THSD7B: variants seen among roughly 807,000 people sequenced by gnomAD.
The protein encoded by THSD7B is thrombospondin type 1 domain containing 7B, also known as thrombospondin type-1 domain-containing protein 7B.
Under a neutral mutation model 213.6 loss-of-function variants are expected in THSD7B, and 138 were observed. That is an observed-to-expected ratio of 0.65 (90% CI 0.56 to 0.74). The LOEUF is 0.74. THSD7B is among the 30% of genes least tolerant of loss of function. The pLI is 0.00. For synonymous variants in THSD7B, 742 were observed against 687.0 expected, an observed-to-expected ratio of 1.08 and a Z score of -1.25; for missense variants, 1,931 against 1,991.5, an observed-to-expected ratio of 0.97 and a Z score of 0.58.
intron 12 of THSD7B, among the ~76,000 whole-genome samples, chr2:137,366,117 C>T (rs969060122): frequency 2.0e-5 from 3 of 152,154 alleles, no homozygotes; most frequent in Non-Finnish European, 4.4e-5. Context: ...TGGAAACCAT[C>T]ATTCTGAGCA....
At chr2:137,551,521 A>G (rs1223398447) in intron 15 of THSD7B, among the ~76,000 whole-genome samples, 1 of 152,172 alleles carries the variant, frequency 6.6e-6, no homozygotes, top group African/African-American at 2.4e-5. Flanking sequence ...GCTGTCCTTA[A>G]GAGCCACACA....
intron 7 of THSD7B, among the ~76,000 whole-genome samples, chr2:137,214,422 A>G (rs11889189): frequency 0.058 from 8,757 of 152,152 alleles, 661 homozygotes; most frequent in African/African-American, 0.17. Flanking sequence ...TAGAAAGTAG[A>G]GAGAAAGGCA....
intron 7 of THSD7B, among the ~76,000 whole-genome samples, chr2:137,185,758 T>C (rs1166856163): frequency 1.3e-5 from 2 of 152,180 alleles, no homozygotes; most frequent in African/African-American, 4.8e-5. Context: ...ATATACTCAG[T>C]AGTGAGATTG....
chr2:137,057,438 G>A (rs1052648152), intron 3 of THSD7B, among the ~76,000 whole-genome samples: 1 of 152,108 alleles, frequency 6.6e-6, no homozygotes, highest in African/African-American at 2.4e-5. Context: ...TAGCATTCTT[G>A]TGTGATTAGT....
intron 7 of THSD7B, among the ~76,000 whole-genome samples, chr2:137,186,833 T>A (rs1573874450): frequency 6.6e-6 from 1 of 152,200 alleles, no homozygotes; most frequent in East Asian, 1.9e-4. Flanking sequence ...ATTCTTCCAA[T>A]CCATGAACAT....
intron 5 of THSD7B, among the ~76,000 whole-genome samples, chr2:137,124,892 A>G (rs1046840061): frequency 3.3e-5 from 5 of 152,176 alleles, no homozygotes; most frequent in African/African-American, 1.2e-4. Context: ...TCTGTTAGCA[A>G]CTTTCAAATA....
At chr2:137,356,581 G>A (rs1161537289) in intron 12 of THSD7B, among the ~76,000 whole-genome samples, 2 of 152,164 alleles carry the variant, frequency 1.3e-5, no homozygotes, top group East Asian at 1.9e-4. Context: ...TTGGCTAATA[G>A]GACGTTGGTA....
intron 5 of THSD7B, among the ~76,000 whole-genome samples, chr2:137,142,270 G>A (rs995978826): frequency 1.3e-5 from 2 of 152,066 alleles, no homozygotes; most frequent in African/African-American, 4.8e-5. Context: ...ATGGCAGAAG[G>A]ACAGAGAGAG....
intron 1 of THSD7B, among the ~76,000 whole-genome samples, chr2:136,799,762 C>T (rs563490444): frequency 6.6e-6 from 1 of 151,980 alleles, no homozygotes; most frequent in East Asian, 1.9e-4. Flanking sequence ...ATCACTTTTT[C>T]AATGGGATCA....
chr2:137,135,484 C>T (rs1295714022), intron 5 of THSD7B, among the ~76,000 whole-genome samples: 1 of 152,142 alleles, frequency 6.6e-6, no homozygotes, highest in African/African-American at 2.4e-5. Context: ...ATTGAGATTC[C>T]TGCAAATTGA....
At chr2:137,335,479 T>C (rs1374686111) in intron 12 of THSD7B, among the ~76,000 whole-genome samples, 1 of 152,208 alleles carries the variant, frequency 6.6e-6, no homozygotes, top group Non-Finnish European at 1.5e-5. Flanking sequence ...TCTTTTATTT[T>C]CCCCTCTTGG....
chr2:137,631,012 A>C (rs6742342), intron 20 of THSD7B, among the ~76,000 whole-genome samples: 50,743 of 151,922 alleles, frequency 0.33, 9,750 homozygotes, highest in African/African-American at 0.52. Context: ...CTTCAAACCC[A>C]CAGAACTACA....
At position 137,310,668 on chromosome 2, in the gene THSD7B, A is replaced by G. The variant is rs2104860313; in HGVS notation, c.2500+34642A>G. 2.0e-5 allele frequency among the ~76,000 whole-genome samples: 3 copies of G among 152,134 alleles called. No homozygotes were observed. In the South Asian group the frequency reaches 6.3e-4, roughly 32 times the overall value. On this transcript the variant is annotated intron_variant, in intron 12 of 27. Transcript: ENST00000409968. ...AGGTTTAAGGCTTTAATCCATCTTG[A>G]ATTGATTTTTGTATAAGGCATAAGG...
chr2:137,676,485 T>C (rs1683702273), intron 27 of THSD7B, 39 bp from the exon 28 acceptor site: 1 of 1,530,720 alleles, frequency 6.5e-7, no homozygotes, highest in Non-Finnish European at 8.8e-7. Flanking sequence ...CAGAGCTCTA[T>C]GAACTTACTT....
chr2:137,642,666 C>A, intron 21 of THSD7B, 33 bp downstream of exon 21: 1 of 1,609,498 alleles, frequency 6.2e-7, no homozygotes, highest in South Asian at 1.1e-5. Flanking sequence ...GAGAAATATT[C>A]ATCAGTATAT....
chr2:136,889,909 T>C lies in THSD7B; in HGVS notation c.139+7592T>C, dbSNP rs889183522. On this transcript the variant is annotated intron_variant, in intron 2 of 27. Transcript: ENST00000409968. ...TTTTCCAGAACTGCTAAACGCATCC[T>C]CTAGTACTGCTAAAATAGGGTGTAC... Among the ~76,000 whole-genome samples, 5 of 152,194 alleles carry C rather than the reference T, an allele frequency of 3.3e-5. No individual in the cohort carries two copies. In the East Asian group the frequency reaches 9.7e-4, roughly 29 times the overall value.
chr2:137,015,680 T>A (rs558216702), intron 2 of THSD7B, among the ~76,000 whole-genome samples: 13 of 152,302 alleles, frequency 8.5e-5, no homozygotes, highest in Admixed American at 3.3e-4. Flanking sequence ...TCCTCACTAT[T>A]TTGGAACCAA....
intron 20 of THSD7B, among the ~76,000 whole-genome samples, chr2:137,629,106 TC>T (rs1682691830): frequency 6.6e-6 from 1 of 152,178 alleles, no homozygotes; most frequent in Admixed American, 6.5e-5. Flanking sequence ...TTTATTATTG[TC>T]ATTGCCTAGA....
intron 2 of THSD7B, among the ~76,000 whole-genome samples, chr2:137,016,959 A>T (rs973594693): frequency 6.6e-6 from 1 of 152,164 alleles, no homozygotes; most frequent in African/African-American, 2.4e-5. Flanking sequence ...TTCCAAATAT[A>T]ATACAGCACA....
Sources: allele counts gnomAD v4.1 joint callset (sites outside exome capture counted in the v4.1 genomes callset), GRCh38; gene constraint gnomAD v4.1.1; transcripts MANE v1.5; gene names NCBI Gene and HGNC (gene_info 2026-07-23, HGNC 2026-07-21).